The following NDUFA10 variants were observed in gnomAD, a reference collection of about 807,000 sequenced individuals.
NDUFA10 encodes NADH dehydrogenase [ubiquinone] 1 alpha subcomplex subunit 10, mitochondrial.
A neutral mutation model predicts 47.8 loss-of-function variants in NDUFA10; 40 were observed. The observed-to-expected ratio is 0.84, with a 90% CI of 0.65 to 1.09. The LOEUF (loss-of-function observed/expected upper bound fraction) is 1.09, where lower values mean the gene tolerates loss of function less well. Among genes scored for constraint, NDUFA10 ranks in the 50% least tolerant of loss-of-function variants. The pLI, the probability that NDUFA10 is intolerant of heterozygous loss-of-function variation, is 0.00. For missense variants in NDUFA10, 413 were observed against 451.1 expected (o/e 0.92, Z 0.76); for synonymous variants, 183 against 172.2 (o/e 1.06, Z -0.49).
At chr2:239,920,150 G>A (rs1357906274) in intron 4 of NDUFA10, among the ~76,000 whole-genome samples, 1 of 152,236 alleles carries the variant, frequency 6.6e-6, no homozygotes, top group Non-Finnish European at 1.5e-5. Context: ...GGGGCCCCAT[G>A]ATGGGACTGG....
chr2:239,973,606 A>G, intron 9 of NDUFA10: 1 of 471,204 alleles, frequency 2.1e-6, no homozygotes, highest in South Asian at 1.5e-5. Flanking sequence ...ATCAGCTTCA[A>G]GGAGGGAGCA....
chr2:239,896,352 C>T (rs1693396485), intron 4 of NDUFA10, among the ~76,000 whole-genome samples: 1 of 152,210 alleles, frequency 6.6e-6, no homozygotes, highest in African/African-American at 2.4e-5. Context: ...AGCACAGAGC[C>T]CTTCTTAAGT....
chr2:239,928,169 T>TC lies in NDUFA10; in HGVS notation c.295-32856_295-32855insG, dbSNP rs1224232072. Among the ~76,000 whole-genome samples the TC allele has an allele frequency of 4.3e-4, 64 of 150,470 alleles. No homozygotes were observed. Among genetic ancestry groups the TC allele is most frequent in the Middle Eastern group, 3.4e-3 (1 of 292 alleles). ...AGGTCTGTACAAAGATTCCAGGACT[T>TC]TAAAAAAAAAATAACAAAAGAAGAA... On this transcript the variant is annotated intron_variant, in intron 4 of 5. Transcript: ENST00000419408. This position sits in a 1 kb window ranked among gnomAD's most constrained non-coding sequence, Gnocchi z 4.3.
At chr2:240,002,330 C>CAAAAAAAAAAAAAAAAA in intron 8 of NDUFA10, among the ~76,000 whole-genome samples, 1 of 83,756 alleles carries the variant, frequency 1.2e-5, no homozygotes, top group Non-Finnish European at 2.2e-5. Flanking sequence ...AACTCTGACT[C>CAAAAAAAAAAAAAAAAA]AAAAAAAAAA....
At chr2:239,939,617 G>A (rs754853913) in intron 4 of NDUFA10, among the ~76,000 whole-genome samples, 90 of 152,254 alleles carry the variant, frequency 5.9e-4, no homozygotes, top group Non-Finnish European at 1.2e-3. Flanking sequence ...AATGGTGAGA[G>A]GTTATTTGTA....
At chr2:240,002,492 G>A (rs1201343023) in intron 8 of NDUFA10, among the ~76,000 whole-genome samples, 3 of 152,126 alleles carry the variant, frequency 2.0e-5, no homozygotes, top group Non-Finnish European at 4.4e-5. Context: ...ACAGTAGTCA[G>A]TATATGGAAT....
chr2:239,964,417 G>A (rs1049005981), intron 9 of NDUFA10, among the ~76,000 whole-genome samples: 8 of 152,304 alleles, frequency 5.3e-5, no homozygotes, highest in Admixed American at 1.3e-4. Context: ...CGCCTGCACC[G>A]TGATTTTAGA....
chr2:239,968,259 T>A (rs1163961876), intron 9 of NDUFA10, among the ~76,000 whole-genome samples: 1 of 151,992 alleles, frequency 6.6e-6, no homozygotes, highest in East Asian at 1.9e-4. Flanking sequence ...AGGGAAGAGG[T>A]GGCCATTCAG....
chr2:239,974,986 T>C (rs111684670), intron 9 of NDUFA10, among the ~76,000 whole-genome samples: 3,684 of 144,774 alleles, frequency 0.025, 109 homozygotes, highest in East Asian at 0.085. Flanking sequence ...GAGCTGGTCA[T>C]TTAAAAACAT....
At chr2:240,018,498 A>T (rs1427875386) in intron 4 of NDUFA10, 55 bp downstream of exon 4, 1 of 1,614,022 alleles carries the variant, frequency 6.2e-7, no homozygotes, top group African/African-American at 1.3e-5. Flanking sequence ...AGTCTATCAC[A>T]GCCCTTGCAA....
intron 4 of NDUFA10, among the ~76,000 whole-genome samples, chr2:239,903,667 C>CTTTG (rs528128982): frequency 2.3e-3 from 349 of 152,362 alleles, no homozygotes; most frequent in South Asian, 3.7e-3. Context: ...TTCAGAAAAT[C>CTTTG]TTTGCAGTTT....
chr2:240,022,211 C>T lies in NDUFA10; in HGVS notation c.205G>A (p.Gly69Arg). ...VITVDGNICT[G>R]KGKLAKEIAE... Reference sequence around the variant, plus strand: ...ATTTCTTTTGCAAGTTTGCCTTTTCCAGTACATATATTGCCATCTACAGTT... The same window carrying T: ...ATTTCTTTTGCAAGTTTGCCTTTTCTAGTACATATATTGCCATCTACAGTT... Residue 69 changes from glycine (G) to arginine (R), a missense_variant, in exon 2 of 10, where the codon GGA becomes AGA. Physicochemically the swap from Gly to Arg is moderately radical, Grantham distance 125. Coordinates refer to ENST00000252711, the MANE Select transcript of NDUFA10 (RefSeq NM_004544.4). 1 of 1,614,004 alleles carries T rather than the reference C, an allele frequency of 6.2e-7. No individual in the cohort carries two copies. Among genetic ancestry groups the T allele is most frequent in the Non-Finnish European group, 8.5e-7 (1 of 1,179,978 alleles).
At chr2:239,984,529 C>G (rs1318071254) in intron 9 of NDUFA10, among the ~76,000 whole-genome samples, 2 of 152,240 alleles carry the variant, frequency 1.3e-5, no homozygotes, top group African/African-American at 4.8e-5. Flanking sequence ...CATATATTCT[C>G]TTAGATTCTC....
intron 4 of NDUFA10, among the ~76,000 whole-genome samples, chr2:239,913,219 C>T (rs571983170): frequency 1.3e-5 from 2 of 152,336 alleles, no homozygotes; most frequent in East Asian, 1.9e-4. Context: ...GTACCTTGAG[C>T]CAAGACTGCC....
intron 5 of NDUFA10, 144 bp downstream of exon 5, chr2:240,014,595 C>T (rs1697262150): frequency 4.5e-6 from 6 of 1,333,872 alleles, no homozygotes; most frequent in Non-Finnish European, 6.4e-6. Flanking sequence ...CTGCAGATGC[C>T]CTCTCTCAAG....
chr2:240,017,109 C>T (rs1380320193), intron 4 of NDUFA10, among the ~76,000 whole-genome samples: 1 of 152,182 alleles, frequency 6.6e-6, no homozygotes, highest in Non-Finnish European at 1.5e-5. Flanking sequence ...CTTCCCCTTC[C>T]GTCTCTCCTC....
intron 4 of NDUFA10, among the ~76,000 whole-genome samples, chr2:239,904,406 T>C (rs1693610375): frequency 6.6e-6 from 1 of 152,212 alleles, no homozygotes; most frequent in African/African-American, 2.4e-5. Flanking sequence ...CAAGCGATTA[T>C]CCTGCCTCAG....
intron 6 of NDUFA10, 79 bp from the exon 7 acceptor site, chr2:240,007,449 A>G (rs1222991622): frequency 1.6e-5 from 16 of 984,604 alleles, no homozygotes; most frequent in South Asian, 1.6e-4. Flanking sequence ...ACATACCGCT[A>G]AAGTCTCCTG....
In NDUFA10 at chr2:239,961,006, A is replaced by G; in HGVS notation, c.*112T>C. The G allele has an allele frequency of 1.9e-5, 29 of 1,562,738 alleles. No individual in the cohort carries two copies. Among genetic ancestry groups the G allele is most frequent in the South Asian group, 1.5e-4 (13 of 85,026 alleles). On this transcript the variant is annotated 3_prime_UTR_variant, in exon 10 of 10. Coordinates refer to ENST00000252711, the MANE Select transcript of NDUFA10 (RefSeq NM_004544.4). Reference sequence around the variant, plus strand: ...GTGAGACCCCTTCTTCCACTGTGCAATTTTTGCATTATTTACCCTCCCCCG... The same window carrying G: ...GTGAGACCCCTTCTTCCACTGTGCAGTTTTTGCATTATTTACCCTCCCCCG...
Sources: gnomAD v4.1 joint callset for allele counts (sites outside exome capture counted in the v4.1 genomes callset) on GRCh38, gnomAD v4.1.1 for gene constraint, Gnocchi (gnomAD v3.1) non-coding constraint, MANE v1.5 for transcripts, NCBI Gene and HGNC (gene_info 2026-07-23, HGNC 2026-07-21) for gene names.